The following ASIC2 variants were observed in gnomAD, a reference collection of about 807,000 sequenced individuals.
ASIC2 encodes acid-sensing ion channel 2.
ASIC2 carries 25 observed loss-of-function variants against 57.3 expected under a neutral mutation model. That is an observed-to-expected ratio of 0.44 (90% CI 0.32 to 0.61). The LOEUF (loss-of-function observed/expected upper bound fraction) is 0.61, where lower values mean the gene tolerates loss of function less well. Among genes scored for constraint, ASIC2 ranks in the 20% least tolerant of loss-of-function variants. The probability of loss-of-function intolerance (pLI) is 0.06; values close to 1 mark genes in which losing one functional copy is unlikely to be tolerated. For missense variants in ASIC2, 641 were observed against 738.1 expected, an observed-to-expected ratio of 0.87 and a Z score of 1.52; for synonymous variants, 319 against 307.5, an observed-to-expected ratio of 1.04 and a Z score of -0.39.
intron 1 of ASIC2, among the ~76,000 whole-genome samples, chr17:33,651,102 C>A (rs1440680330): frequency 3.9e-5 from 6 of 152,048 alleles, no homozygotes; most frequent in African/African-American, 1.4e-4. Context: ...AGAACAAAAA[C>A]TACACATGTG....
intron 1 of ASIC2, among the ~76,000 whole-genome samples, chr17:33,319,742 G>A (rs1477311821): frequency 2.6e-5 from 4 of 152,108 alleles, no homozygotes; most frequent in Non-Finnish European, 5.9e-5. Context: ...CCATGTTGCC[G>A]TAGCTAGTCT....
chr17:33,042,951 G>A (rs1224247238), intron 3 of ASIC2, among the ~76,000 whole-genome samples: 14 of 150,346 alleles, frequency 9.3e-5, no homozygotes, highest in Admixed American at 6.6e-5. Context: ...TTTTTGAGAC[G>A]GAGTCTCTTC....
intron 1 of ASIC2, among the ~76,000 whole-genome samples, chr17:33,754,173 C>A (rs1910518764): frequency 1.3e-5 from 2 of 152,162 alleles, no homozygotes; most frequent in Admixed American, 1.3e-4. Context: ...CTCTCCCTTG[C>A]ATGTCCCTCC....
intron 1 of ASIC2, among the ~76,000 whole-genome samples, chr17:33,226,555 C>T (rs1907887296): frequency 6.6e-6 from 1 of 152,162 alleles, no homozygotes; most frequent in African/African-American, 2.4e-5. Context: ...CTTCTTGACC[C>T]CCCAGTCACT....
At chr17:33,108,138 GCTCA>G (rs1240106198) in intron 2 of ASIC2, among the ~76,000 whole-genome samples, 2 of 152,184 alleles carry the variant, frequency 1.3e-5, no homozygotes, top group Admixed American at 1.3e-4. Flanking sequence ...GGAAACAGAG[GCTCA>G]CTCACTTGGC....
intron 1 of ASIC2, among the ~76,000 whole-genome samples, chr17:33,189,259 C>A (rs1906320456): frequency 6.6e-6 from 1 of 151,908 alleles, no homozygotes; most frequent in South Asian, 2.1e-4. Flanking sequence ...CTCAAAATAC[C>A]AGTAGTGCCA....
chr17:33,579,152 G>A (rs752119487), intron 1 of ASIC2, among the ~76,000 whole-genome samples: 25 of 152,028 alleles, frequency 1.6e-4, no homozygotes, highest in Non-Finnish European at 2.8e-4. Flanking sequence ...CAGGCATGAT[G>A]GTGGGCGCCT....
At chr17:33,021,533 C>T (rs903510605) in intron 6 of ASIC2, among the ~76,000 whole-genome samples, 1 of 152,254 alleles carries the variant, frequency 6.6e-6, no homozygotes, top group Non-Finnish European at 1.5e-5. Context: ...CCTTTTGTTG[C>T]TTATTTCTGT....
chr17:33,399,831 C>T (rs914649532), intron 1 of ASIC2, among the ~76,000 whole-genome samples: 9 of 152,078 alleles, frequency 5.9e-5, no homozygotes, highest in East Asian at 3.9e-4. Flanking sequence ...AGGACCACAC[C>T]GTCTCTGGGT....
At chr17:33,563,314 A>G (rs759012059) in intron 1 of ASIC2, among the ~76,000 whole-genome samples, 9 of 152,282 alleles carry the variant, frequency 5.9e-5, no homozygotes, top group Admixed American at 3.9e-4. Context: ...CTAATGATGT[A>G]GATATTATTT....
chr17:34,029,563 A>G (rs568427845), intron 1 of ASIC2, among the ~76,000 whole-genome samples: 1 of 152,318 alleles, frequency 6.6e-6, no homozygotes, highest in South Asian at 2.1e-4. Context: ...TGACTGTAGT[A>G]TTTGGAGATA....
chr17:33,052,927 C>G (rs1306737774), intron 3 of ASIC2: 1 of 152,130 alleles, frequency 6.6e-6, no homozygotes, highest in Non-Finnish European at 1.5e-5. Flanking sequence ...TAGATGTGCT[C>G]TCTCTTTTAC....
At chr17:33,397,030 A>G (rs1250411357) in intron 1 of ASIC2, among the ~76,000 whole-genome samples, 1 of 152,214 alleles carries the variant, frequency 6.6e-6, no homozygotes, top group African/African-American at 2.4e-5. Flanking sequence ...AAACACTAGA[A>G]CTTACAACAT....
chr17:34,019,791 T>C (rs1597976741), intron 1 of ASIC2, among the ~76,000 whole-genome samples: 1 of 152,214 alleles, frequency 6.6e-6, no homozygotes, highest in Admixed American at 6.5e-5. Context: ...AAAGTATGAC[T>C]GTATTTGTCA....
chr17:33,822,688 A>G (rs1240011026), intron 1 of ASIC2, among the ~76,000 whole-genome samples: 3 of 152,198 alleles, frequency 2.0e-5, no homozygotes, highest in African/African-American at 7.2e-5. Context: ...GACAGGAAGA[A>G]GCAGACACAA....
intron 1 of ASIC2, among the ~76,000 whole-genome samples, chr17:34,113,609 G>A (rs1420419853): frequency 6.6e-6 from 1 of 151,766 alleles, no homozygotes; most frequent in Non-Finnish European, 1.5e-5. Flanking sequence ...CAGGCGTGGT[G>A]ACTCATGCCT....
chr17:33,968,333 A>G (rs1328802198), intron 1 of ASIC2, among the ~76,000 whole-genome samples: 2 of 152,180 alleles, frequency 1.3e-5, no homozygotes, highest in African/African-American at 4.8e-5. Context: ...CAGGGGGCAG[A>G]ATCTCTGCGG....
chr17:33,496,338 C>T (rs1315808026), intron 1 of ASIC2, among the ~76,000 whole-genome samples: 1 of 152,158 alleles, frequency 6.6e-6, no homozygotes, highest in Admixed American at 6.5e-5. Context: ...TCTATGGCAC[C>T]CTTTGCTGTC....
At chr17:33,852,428 G>A (rs916712190) in intron 1 of ASIC2, among the ~76,000 whole-genome samples, 2 of 152,174 alleles carry the variant, frequency 1.3e-5, no homozygotes. Flanking sequence ...TCTGTGGGGT[G>A]AGATGGCAGG....
Sources: allele counts gnomAD v4.1 joint callset (sites outside exome capture counted in the v4.1 genomes callset), GRCh38; gene constraint gnomAD v4.1.1; transcripts MANE v1.5; gene names NCBI Gene and HGNC (gene_info 2026-07-23, HGNC 2026-07-21).